The following TRANK1 variants were observed in gnomAD, a reference collection of about 807,000 sequenced individuals.
The protein encoded by TRANK1 is tetratricopeptide repeat and ankyrin repeat containing 1.
In TRANK1, 198 loss-of-function variants were observed where a neutral mutation model predicts 266.0. The ratio of observed to expected loss-of-function variants is 0.74; its 90% confidence interval spans 0.66 to 0.84. TRANK1 has a LOEUF of 0.84. Among genes scored for constraint, TRANK1 ranks in the 40% least tolerant of loss-of-function variants. TRANK1 has a pLI of 0.00. For synonymous variants in TRANK1, 1,396 were observed against 1,384.1 expected (o/e 1.01, Z -0.19); for missense variants, 3,326 against 3,634.6 (o/e 0.92, Z 2.18).
rs775906823 is a variant in TRANK1 at position 36,855,244 on chromosome 3, A to G, written c.4478T>C (p.Ile1493Thr). 3.1e-6 allele frequency: 5 copies of G among 1,613,904 alleles called. No homozygotes were observed. The highest frequency in any genetic ancestry group is 4.2e-6 in the Non-Finnish European group (5 of 1,179,894). ...SLFHYASRNT[I>T]DKQCAVRKPK... The stretch of plus-strand genomic sequence containing the variant: ...CTTCCGGACAGCACACTGCTTGTCT[A>G]TGGTGTTTCTGCTGGCATAATGGAA... The change falls in exon 13 of 24, where the codon ATA becomes ACA. Residue 1493 changes from isoleucine to threonine, a missense_variant. Physicochemically the swap from Ile to Thr is moderately conservative, Grantham distance 89 (BLOSUM62 -1). Coordinates refer to ENST00000645898, the MANE Select transcript of TRANK1 (RefSeq NM_001329998.2).
Position 36,828,211 on chromosome 3 carries a change from C to G in TRANK1, c.*64G>C. The G allele has an allele frequency of 1.6e-6, 2 of 1,222,074 alleles. No homozygotes were observed. The highest frequency in any genetic ancestry group is 2.4e-6 in the Non-Finnish European group (2 of 844,164). The allele number at this position is 1,222,074 out of a possible 1,614,324, so 75.7% of individuals were successfully genotyped here. A position where few individuals can be genotyped will look rare whatever the true frequency, so the allele number is the denominator to read the frequency against. On this transcript the variant is annotated 3_prime_UTR_variant, in exon 24 of 24. Coordinates refer to ENST00000645898, the MANE Select transcript of TRANK1 (RefSeq NM_001329998.2). ...ACATTCTTTTTGTCTTCTGCCCCAG[C>G]GCTCAGAATTCTAAGTCAGAATGGA...
At chr3:36,852,090 T>A (rs2078991901) in intron 14 of TRANK1, 56 bp downstream of exon 14, 1 of 1,509,318 alleles carries the variant, frequency 6.6e-7, no homozygotes, top group Non-Finnish European at 8.8e-7. Context: ...CTTCTCAAAC[T>A]TTTTTCAATT....
intron 5 of TRANK1, among the ~76,000 whole-genome samples, 187 bp downstream of exon 5, chr3:36,895,453 A>C (rs569074547): frequency 1.3e-4 from 20 of 152,336 alleles, no homozygotes; most frequent in African/African-American, 4.6e-4. Flanking sequence ...TCCCATTTTT[A>C]AAAATAAATG....
chr3:36,864,501 A>C (rs2079186814), intron 9 of TRANK1, 21 bp from the exon 10 acceptor site: 1 of 1,495,852 alleles, frequency 6.7e-7, no homozygotes, highest in Non-Finnish European at 8.8e-7. Flanking sequence ...GCACCAGGTA[A>C]TGCTTCTGAA....
At chr3:36,925,133 CT>C (rs2080270733) in intron 1 of TRANK1, among the ~76,000 whole-genome samples, 1 of 152,146 alleles carries the variant, frequency 6.6e-6, no homozygotes, top group African/African-American at 2.4e-5. Context: ...AAAGTTTAAC[CT>C]TTTCCTCTCT....
intron 20 of TRANK1, among the ~76,000 whole-genome samples, chr3:36,837,433 G>A (rs955984679): frequency 2.0e-5 from 3 of 152,102 alleles, no homozygotes; most frequent in African/African-American, 4.8e-5. Context: ...AATGCCCAGG[G>A]TGCTCTGAGG....
intron 20 of TRANK1, among the ~76,000 whole-genome samples, chr3:36,837,370 T>C (rs527676742): frequency 1.0e-3 from 159 of 152,292 alleles, no homozygotes; most frequent in Non-Finnish European, 1.4e-3. Context: ...TTCTTCGCAT[T>C]GACTTGGGGC....
intron 23 of TRANK1, 71 bp downstream of exon 23, chr3:36,829,493 C>A: frequency 6.6e-7 from 1 of 1,515,022 alleles, no homozygotes; most frequent in Non-Finnish European, 9.1e-7. Context: ...TCAGATTCCC[C>A]CCGGGAGCCA....
intron 2 of TRANK1, among the ~76,000 whole-genome samples, chr3:36,907,611 C>G (rs953154381): frequency 3.3e-5 from 5 of 151,502 alleles, no homozygotes; most frequent in African/African-American, 1.2e-4. Context: ...ACTACAGGTG[C>G]CCACCACCAC....
intron 11 of TRANK1, 137 bp downstream of exon 11, chr3:36,860,769 C>T: frequency 7.7e-7 from 1 of 1,301,312 alleles, no homozygotes; most frequent in South Asian, 1.6e-5. Flanking sequence ...TGTTTCAAAA[C>T]AAGAATATAC....
intron 9 of TRANK1, among the ~76,000 whole-genome samples, chr3:36,866,943 C>T (rs2079236274): frequency 6.6e-6 from 1 of 152,182 alleles, no homozygotes; most frequent in South Asian, 2.1e-4. Flanking sequence ...GGGGCAAACA[C>T]TCATTGCCCA....
At chr3:36,931,271 A>AT (rs982141671) in intron 1 of TRANK1, among the ~76,000 whole-genome samples, 12 of 151,440 alleles carry the variant, frequency 7.9e-5, no homozygotes, top group Non-Finnish European at 1.5e-4. Flanking sequence ...TTAAGTGTTA[A>AT]AAAAAAAAGA....
At position 36,857,850 on chromosome 3, in the gene TRANK1, C is replaced by T. The variant is rs1318349501; in HGVS notation, c.1872G>A (p.Lys624=). Residue 624 remains lysine, a synonymous_variant, in exon 13 of 24, where the codon AAG becomes AAA. Transcript: ENST00000645898. The surrounding 1 kb of genome is among the most constrained non-coding windows in gnomAD (Gnocchi z 4.3). ...GCCGTGCATCTTTGCCCTCTTTGTT[C>T]TTCAGATTGAAGTTGATGTCAAACT... ...LVKFDINFNL[K]NKEGKDARHR... 8 of 1,613,426 alleles carry T rather than the reference C, an allele frequency of 5.0e-6. No homozygotes were observed. The highest frequency in any genetic ancestry group is 6.8e-6 in the Non-Finnish European group (8 of 1,179,876).
At chr3:36,909,748 G>A (rs1338764900) in intron 1 of TRANK1, among the ~76,000 whole-genome samples, 2 of 152,128 alleles carry the variant, frequency 1.3e-5, no homozygotes, top group Admixed American at 6.5e-5. Flanking sequence ...TGACTTCTTG[G>A]GAATGGGGTT....
chr3:36,872,842 C>T (rs139693858), intron 9 of TRANK1, among the ~76,000 whole-genome samples: 14 of 152,060 alleles, frequency 9.2e-5, no homozygotes, highest in South Asian at 4.1e-4. Context: ...GGGGCCAACA[C>T]GTGCCAAGCC....
At chr3:36,874,328 G>C in intron 8 of TRANK1, 32 bp from the exon 9 acceptor site, 1 of 1,529,746 alleles carries the variant, frequency 6.5e-7, no homozygotes, top group Non-Finnish European at 8.7e-7. Flanking sequence ...AGGGGTGTTT[G>C]TCATGGTTCC....
Position 36,856,394 on chromosome 3 carries a change from C to T in TRANK1, c.3328G>A (p.Ala1110Thr). 1 of 1,603,354 alleles carries T rather than the reference C, an allele frequency of 6.2e-7. No individual in the cohort carries two copies. Among genetic ancestry groups the T allele is most frequent in the South Asian group, 1.1e-5 (1 of 90,092 alleles). ...KAEQAGSPLL[A>T]KQVWLKRRLE... The stretch of plus-strand genomic sequence containing the variant: ...CTTCTCTTCAGCCAGACCTGTTTGG[C>T]CAGCAATGGGCTTCCTGCCTGCTCA... The change falls in exon 13 of 24, where the codon GCC becomes ACC. Residue 1110 changes from alanine to threonine, a missense_variant. Transcript: ENST00000645898.
At chr3:36,925,594 T>A (rs2080277021) in intron 1 of TRANK1, among the ~76,000 whole-genome samples, 1 of 63,458 alleles carries the variant, frequency 1.6e-5, no homozygotes, top group Admixed American at 1.8e-4. Context: ...GAATCTTTCT[T>A]TTTTTTTTTT....
At chr3:36,878,308 C>T (rs537011200) in intron 8 of TRANK1, among the ~76,000 whole-genome samples, 1 of 152,168 alleles carries the variant, frequency 6.6e-6, no homozygotes, top group African/African-American at 2.4e-5. Context: ...CAACTATACC[C>T]CACCATCTGT....
Sources: allele counts gnomAD v4.1 joint callset (sites outside exome capture counted in the v4.1 genomes callset), GRCh38; gene constraint gnomAD v4.1.1; non-coding constraint Gnocchi (gnomAD v3.1); transcripts MANE v1.5; gene names NCBI Gene and HGNC (gene_info 2026-07-23, HGNC 2026-07-21).